Variants in EXOC5 observed in about 807,000 individuals in gnomAD.
EXOC5 encodes SEC10-like 1.
EXOC5 carries 17 observed loss-of-function variants against 90.8 expected under a neutral mutation model. The ratio of observed to expected loss-of-function variants is 0.19; its 90% CI spans 0.13 to 0.28. The LOEUF (loss-of-function observed/expected upper bound fraction) is 0.28. EXOC5 is among the 10% of genes least tolerant of loss of function. The probability of loss-of-function intolerance (pLI) is 1.00; values close to 1 mark genes in which losing one functional copy is unlikely to be tolerated. For synonymous variants in EXOC5, 260 were observed against 270.0 expected (o/e 0.96, Z 0.36); for missense variants, 569 against 830.6 (o/e 0.69, Z 3.87).
intron 5 of EXOC5, among the ~76,000 whole-genome samples, chr14:57,238,522 C>A (rs1027493049): frequency 2.6e-5 from 4 of 151,338 alleles, no homozygotes; most frequent in South Asian, 4.2e-4. Context: ...CTATTTTGAG[C>A]TAGACATTTT....
chr14:57,234,648 C>T (rs1883603494), intron 7 of EXOC5, among the ~76,000 whole-genome samples: 1 of 151,214 alleles, frequency 6.6e-6, no homozygotes, highest in Non-Finnish European at 1.5e-5. Flanking sequence ...TAACTACAAC[C>T]TCTGCCTCCC....
intron 1 of EXOC5, 185 bp downstream of exon 1, chr14:57,268,437 G>A: frequency 1.4e-6 from 2 of 1,450,218 alleles, no homozygotes; most frequent in Non-Finnish European, 1.8e-6. Flanking sequence ...TCGGCCCCAA[G>A]CACCCCTCCC....
rs1205771487 is a variant in EXOC5, at chr14:57,201,479, C to CGT, written c.*7128_*7129dup. 7.8e-6 allele frequency: 1 copy of CGT among 128,252 alleles called. No individual in the cohort carries two copies. The highest frequency in any genetic ancestry group is 4.3e-5 in the African/African-American group (1 of 23,514). 7.9% of individuals were successfully genotyped at this position (128,252 alleles called of 1,614,324 possible). A position where few individuals can be genotyped will look rare whatever the true frequency, so the allele number is the denominator to read the frequency against. On this transcript the variant is annotated 3_prime_UTR_variant, in exon 18 of 18. Coordinates refer to ENST00000621441, the MANE Select transcript of EXOC5 (RefSeq NM_006544.4). ...ACACACGCGTGTATATGTACACACA[C>CGT]GTGTATAAACACACGTGTATATACA...
rs1882473261 is a variant in EXOC5, at chr14:57,200,636, T to A, written c.*7973A>T. On this transcript the variant is annotated 3_prime_UTR_variant, in exon 18 of 18. Coordinates refer to ENST00000621441, the MANE Select transcript of EXOC5 (RefSeq NM_006544.4). ...AGCAATTACAGTAGCAAGGAGATTG[T>A]ATAATAGAAAAACATACGGTATGCA... 1 of 152,070 alleles carries A rather than the reference T, an allele frequency of 6.6e-6. No homozygotes were observed. Among genetic ancestry groups the A allele is most frequent in the African/African-American group, 2.4e-5 (1 of 41,406 alleles). 9.4% of individuals were successfully genotyped at this position (152,070 alleles called of 1,614,324 possible).
In EXOC5 at chr14:57,222,540, C is replaced by T. The variant is rs1470624941; in HGVS notation, c.1297-124G>A. On this transcript the variant is annotated intron_variant, in intron 12 of 17. Transcript: ENST00000621441. ...TTTCAGGTATGAAAATAACTCACAG[C>T]TCCCCCCATACTGCGTGTGCATGCA... 3 of 529,914 alleles carry T rather than the reference C, an allele frequency of 5.7e-6. No homozygotes were observed. In the African/African-American group the frequency reaches 5.8e-5, roughly 10 times the overall value. 32.8% of individuals were successfully genotyped at this position (529,914 alleles called of 1,614,324 possible). A position where few individuals can be genotyped will look rare whatever the true frequency, so the allele number is the denominator to read the frequency against.
rs753219587 is a variant in EXOC5 at position 57,233,882 on chromosome 14, C to G, written c.716G>C (p.Gly239Ala). 1 of 1,609,778 alleles carries G rather than the reference C, an allele frequency of 6.2e-7. No individual in the cohort carries two copies. Among genetic ancestry groups the G allele is most frequent in the African/African-American group, 1.3e-5 (1 of 74,760 alleles). Residue 239 changes from glycine (G) to alanine (A), a missense_variant and splice_region_variant, in exon 9 of 18, where the codon GGT (glycine) becomes GCT (alanine). This residue lies in a region of EXOC5 where 114 missense variants were observed against 111.2 expected (regional missense o/e 1.03). Coordinates refer to ENST00000621441, the MANE Select transcript of EXOC5 (RefSeq NM_006544.4). Reference protein sequence around the residue: ...VDVYIKQCQEGAYLRNDIFED... With the variant: ...VDVYIKQCQEAAYLRNDIFED... ...AAATATATCATTTCTCAAATAAGCA[C>G]CCTAAACAGCAGAGACATTTTATAC...
chr14:57,226,171 T>C lies in EXOC5; in HGVS notation c.1296+3563A>G, dbSNP rs142658018. ...TTGCCAAGGTGAAATTCAATAAAAC[T>C]GTTTTAGGGGAAAGATCTTGAGGCC... On this transcript the variant is annotated intron_variant, in intron 12 of 17. Coordinates refer to ENST00000621441, the MANE Select transcript of EXOC5 (RefSeq NM_006544.4). Among the ~76,000 whole-genome samples, 757 of 152,316 alleles carry C rather than the reference T, an allele frequency of 5.0e-3. 4 individuals are homozygous for C. Among genetic ancestry groups the C allele is most frequent in the African/African-American group, 0.017 (720 of 41,578 alleles).
At chr14:57,262,605 A>G (rs1394101333) in intron 1 of EXOC5, among the ~76,000 whole-genome samples, 1 of 147,218 alleles carries the variant, frequency 6.8e-6, no homozygotes, top group Non-Finnish European at 1.5e-5. Context: ...TATTAAGTAT[A>G]TATATACATA....
intron 15 of EXOC5, among the ~76,000 whole-genome samples, chr14:57,214,305 C>A (rs1383633891): frequency 6.6e-6 from 1 of 152,012 alleles, no homozygotes; most frequent in Non-Finnish European, 1.5e-5. Context: ...CTCAAATAAA[C>A]CGTGTGCTGT....
intron 15 of EXOC5, among the ~76,000 whole-genome samples, chr14:57,210,552 G>A (rs10134515): frequency 0.24 from 37,043 of 151,998 alleles, 10,875 homozygotes; most frequent in African/African-American, 0.71. Flanking sequence ...GTAGACTGAC[G>A]GTAATTTTAT....
At chr14:57,233,629 C>G (rs576373486) in intron 9 of EXOC5, 114 bp downstream of exon 9, 1 of 641,416 alleles carries the variant, frequency 1.6e-6, no homozygotes, top group East Asian at 2.8e-5. Context: ...AACTAGATTA[C>G]TATTTCTAAG....
At position 57,222,316 on chromosome 14, in the gene EXOC5, C is replaced by A; in HGVS notation, c.1397G>T (p.Gly466Val). The A allele has an allele frequency of 6.6e-7, 1 of 1,514,722 alleles. No homozygotes were observed. Among genetic ancestry groups the A allele is most frequent in the Non-Finnish European group, 9.1e-7 (1 of 1,102,126 alleles). The allele number at this position is 1,514,722 out of a possible 1,614,324, so 93.8% of individuals were successfully genotyped here. The change falls in exon 13 of 18, where the codon GGA becomes GTA. Residue 466 changes from glycine to valine, a missense_variant. Physicochemically the swap from Gly to Val is moderately radical, Grantham distance 109 (BLOSUM62 -3). Transcript: ENST00000621441. ...IEHIDYALETGLAGIPSSDSR... is the reference protein window; with the variant it reads ...IEHIDYALETVLAGIPSSDSR... The stretch of plus-strand genomic sequence containing the variant: ...AACACAAATATACTTACCAGCAAGT[C>A]CTGTTTCCAAAGCATAATCAATATG...
chr14:57,223,360 A>C (rs1268032620), intron 12 of EXOC5, among the ~76,000 whole-genome samples: 1 of 152,038 alleles, frequency 6.6e-6, no homozygotes, highest in African/African-American at 2.4e-5. Flanking sequence ...TTGTAGTCTT[A>C]ATTCATGTGT....
At chr14:57,215,958 A>T (rs1440629310) in intron 15 of EXOC5, among the ~76,000 whole-genome samples, 1 of 152,180 alleles carries the variant, frequency 6.6e-6, no homozygotes, top group Non-Finnish European at 1.5e-5. Context: ...TAGAACTAAT[A>T]AACAAATTCA....
chr14:57,244,979 G>C (rs1230355899), intron 3 of EXOC5, among the ~76,000 whole-genome samples: 1 of 138,420 alleles, frequency 7.2e-6, no homozygotes, highest in African/African-American at 2.8e-5. Flanking sequence ...CTAGGTAACA[G>C]AGTAAAACTC....
intron 1 of EXOC5, among the ~76,000 whole-genome samples, chr14:57,259,491 G>A (rs1349050005): frequency 1.3e-5 from 2 of 152,100 alleles, no homozygotes; most frequent in Admixed American, 6.6e-5. Context: ...CCACACTTCC[G>A]TCAGACTATT....
Position 57,222,368 on chromosome 14 carries a change from T to C in EXOC5, c.1345A>G (p.Ile449Val), listed in dbSNP as rs199876473. The C allele has an allele frequency of 2.5e-6, 4 of 1,603,314 alleles. No individual in the cohort carries two copies. The highest frequency in any genetic ancestry group is 1.7e-5 in the Admixed American group (1 of 58,988). ...TCAATACATAAAAATTCCACAAGAA[T>C]GGTAAAAATTCTGAAGGCATTCCTT... Reference protein sequence around the residue: ...LPRNAFRIFTILVEFLCIEHI... With the variant: ...LPRNAFRIFTVLVEFLCIEHI... Residue 449 changes from isoleucine (I) to valine (V), a missense_variant, in exon 13 of 18, where the codon ATT (isoleucine) becomes GTT (valine). Ile to Val is a conservative substitution (Grantham distance 29, BLOSUM62 3). Around this residue, in one of 9 missense-constraint regions of EXOC5, gnomAD observed 56 missense variants for 51.1 expected, o/e 1.10. Transcript: ENST00000621441.
At chr14:57,233,666 A>G (rs543554740) in intron 9 of EXOC5, 77 bp downstream of exon 9, 3 of 916,758 alleles carry the variant, frequency 3.3e-6, no homozygotes, top group Non-Finnish European at 3.3e-6. Flanking sequence ...ACTAAATTTT[A>G]AAAATACTTT....
chr14:57,200,622 T>C lies in EXOC5; in HGVS notation c.*7987A>G, dbSNP rs1882472897. On this transcript the variant is annotated 3_prime_UTR_variant, in exon 18 of 18. Coordinates refer to ENST00000621441, the MANE Select transcript of EXOC5 (RefSeq NM_006544.4). Reference sequence around the variant, plus strand: ...CACTCTTATTAAATAGCAATTACAGTAGCAAGGAGATTGTATAATAGAAAA... The same window carrying C: ...CACTCTTATTAAATAGCAATTACAGCAGCAAGGAGATTGTATAATAGAAAA... 6.6e-6 allele frequency: 1 copy of C among 152,098 alleles called. No homozygotes were observed. Among genetic ancestry groups the C allele is most frequent in the Non-Finnish European group, 1.5e-5 (1 of 68,024 alleles). The allele number at this position is 152,098 out of a possible 1,614,324, so 9.4% of individuals were successfully genotyped here.
Sources: gnomAD v4.1 joint callset for allele counts (sites outside exome capture counted in the v4.1 genomes callset) on GRCh38, gnomAD v4.1.1 for gene constraint, gnomAD v4.1.1 regional missense constraint, MANE v1.5 for transcripts, NCBI Gene and HGNC (gene_info 2026-07-23, HGNC 2026-07-21) for gene names.